IL1RAPL1: variants seen among roughly 807,000 people sequenced by gnomAD.
IL1RAPL1 encodes the protein interleukin-1 receptor accessory protein-like 1.
In IL1RAPL1, 3 loss-of-function variants were observed where a neutral mutation model predicts 48.4. The observed-to-expected ratio is 0.06, with a 90% CI of 0.03 to 0.16. IL1RAPL1 has a LOEUF of 0.16. Ranked by LOEUF, IL1RAPL1 falls within the 10% of genes least tolerant of loss-of-function variation. IL1RAPL1 has a pLI of 1.00. For synonymous variants in IL1RAPL1, 185 were observed against 187.7 expected (o/e 0.99, Z 0.12); for missense variants, 349 against 530.6 (o/e 0.66, Z 3.36).
At chrX:29,945,156 C>A (rs1166253935) in intron 9 of IL1RAPL1, among the ~76,000 whole-genome samples, 1 of 111,561 alleles carries the variant, frequency 9.0e-6, no homozygotes, top group Non-Finnish European at 1.9e-5. Context: ...CCCTGAGGGC[C>A]CCCTTCTCAG....
At chrX:29,097,787 T>G (rs1429213596) in intron 2 of IL1RAPL1, among the ~76,000 whole-genome samples, 2 of 112,283 alleles carry the variant, frequency 1.8e-5, no homozygotes, top group Non-Finnish European at 3.8e-5. Context: ...TGCAATTGTC[T>G]TTGGACTAAT....
intron 1 of IL1RAPL1, among the ~76,000 whole-genome samples, chrX:28,662,486 A>G (rs1195107131): frequency 1.8e-5 from 2 of 111,792 alleles, no homozygotes; most frequent in Admixed American, 1.9e-4. Flanking sequence ...ATAATTTTAC[A>G]GAGTCAGTGA....
chrX:29,900,618 CTAAGT>C (rs1247397429), intron 6 of IL1RAPL1, among the ~76,000 whole-genome samples: 1 of 111,794 alleles, frequency 8.9e-6, no homozygotes, highest in African/African-American at 3.3e-5. Context: ...TCTAGTTAAG[CTAAGT>C]TCTTTCTTAA....
intron 6 of IL1RAPL1, among the ~76,000 whole-genome samples, chrX:29,859,142 T>C (rs184246017): frequency 4.5e-5 from 5 of 111,781 alleles, no homozygotes; most frequent in African/African-American, 1.6e-4. Flanking sequence ...GCAATCTCAT[T>C]CTGGAATGGC....
chrX:29,138,688 A>G (rs1310995127), intron 2 of IL1RAPL1, among the ~76,000 whole-genome samples: 1 of 107,294 alleles, frequency 9.3e-6, no homozygotes, highest in Non-Finnish European at 1.9e-5. Context: ...GTGGCAGGAG[A>G]ATCGCTTGAA....
chrX:29,240,571 G>A (rs1229660372), intron 2 of IL1RAPL1, among the ~76,000 whole-genome samples: 1 of 110,376 alleles, frequency 9.1e-6, no homozygotes, highest in African/African-American at 3.3e-5. Context: ...GCACATGGAA[G>A]CAAGCATCAC....
intron 2 of IL1RAPL1, among the ~76,000 whole-genome samples, chrX:29,201,591 C>G (rs1368274152): frequency 8.9e-6 from 1 of 112,096 alleles, no homozygotes; most frequent in Admixed American, 9.5e-5. Context: ...AGACATAGAA[C>G]CATTGTCAAG....
chrX:28,739,676 A>G (rs1228052357), intron 1 of IL1RAPL1, among the ~76,000 whole-genome samples: 1 of 111,445 alleles, frequency 9.0e-6, no homozygotes, highest in Non-Finnish European at 1.9e-5. Context: ...TTGATTATTT[A>G]TTTTAGGTAC....
chrX:28,641,447 C>T (rs759000211), intron 1 of IL1RAPL1, among the ~76,000 whole-genome samples: 1 of 111,553 alleles, frequency 9.0e-6, no homozygotes, highest in East Asian at 2.8e-4. Flanking sequence ...GCCACAGTTT[C>T]TTTATCCAGT....
chrX:29,365,521 C>T (rs755115851), intron 3 of IL1RAPL1, among the ~76,000 whole-genome samples: 9 of 105,610 alleles, frequency 8.5e-5, no homozygotes, highest in Admixed American at 2.1e-4. Context: ...CATGGTGAAA[C>T]CCCGTCTCTA....
chrX:28,896,358 G>C (rs778472283), intron 2 of IL1RAPL1, among the ~76,000 whole-genome samples: 12 of 111,826 alleles, frequency 1.1e-4, no homozygotes, highest in Admixed American at 9.4e-4. Flanking sequence ...TGACCCTTTA[G>C]GGTCTAGGGC....
rs1041841511 is a variant in IL1RAPL1, at chrX:29,183,039, T to C, written c.83-99899T>C. Reference sequence around the variant, plus strand: ...CCTCCAGAAGGAAAGCATTCCTGCTTACCCATTTTAGACTTCTCACTTCCA... The same window carrying C: ...CCTCCAGAAGGAAAGCATTCCTGCTCACCCATTTTAGACTTCTCACTTCCA... On this transcript the variant is annotated intron_variant, in intron 2 of 10. Transcript: ENST00000378993. 1.8e-4 allele frequency among the ~76,000 whole-genome samples: 20 copies of C among 111,651 alleles called. No individual in the cohort carries two copies. The Admixed American group carries it at 1.8e-3, about 10-fold the overall frequency.
chrX:29,643,913 G>A (rs182332177), intron 5 of IL1RAPL1, among the ~76,000 whole-genome samples: 13 of 111,628 alleles, frequency 1.2e-4, no homozygotes, highest in East Asian at 5.6e-4. Context: ...CGTAATACCC[G>A]CCACCTTAAC....
At chrX:29,449,140 C>A (rs903229281) in intron 5 of IL1RAPL1, among the ~76,000 whole-genome samples, 5 of 111,672 alleles carry the variant, frequency 4.5e-5, no homozygotes, top group African/African-American at 1.6e-4. Flanking sequence ...AGGTACTATT[C>A]TTCCCATTTA....
intron 6 of IL1RAPL1, among the ~76,000 whole-genome samples, chrX:29,711,067 T>TACACACACACAC (rs778770426): frequency 4.5e-3 from 40 of 8,906 alleles, no homozygotes; most frequent in African/African-American, 0.018. Context: ...TGTGTGTGTG[T>TACACACACACAC]ATACACACAC....
At chrX:29,624,261 G>A (rs1335075807) in intron 5 of IL1RAPL1, among the ~76,000 whole-genome samples, 2 of 111,409 alleles carry the variant, frequency 1.8e-5, no homozygotes, top group Non-Finnish European at 3.8e-5. Context: ...ATATTTTTTT[G>A]ACAGTTTTCA....
At chrX:28,867,587 G>A (rs1235949575) in intron 2 of IL1RAPL1, among the ~76,000 whole-genome samples, 3 of 111,961 alleles carry the variant, frequency 2.7e-5, no homozygotes, top group Admixed American at 9.5e-5. Context: ...TCAGAAGCGG[G>A]TTGCTAAAGG....
intron 5 of IL1RAPL1, among the ~76,000 whole-genome samples, chrX:29,615,238 T>C (rs1322449495): frequency 1.8e-5 from 2 of 112,231 alleles, no homozygotes; most frequent in Non-Finnish European, 3.8e-5. Context: ...TAAATCTCCT[T>C]ACAGAGAAGA....
intron 2 of IL1RAPL1, among the ~76,000 whole-genome samples, chrX:29,048,588 A>G (rs777391520): frequency 1.6e-4 from 18 of 112,211 alleles, no homozygotes; most frequent in Non-Finnish European, 2.6e-4. Flanking sequence ...TATCTTATCA[A>G]TTGCAATTTT....
Sources: allele counts gnomAD v4.1 joint callset (sites outside exome capture counted in the v4.1 genomes callset), GRCh38; gene constraint gnomAD v4.1.1; transcripts MANE v1.5; gene names NCBI Gene and HGNC (gene_info 2026-07-23, HGNC 2026-07-21).